ETV6: variants seen among roughly 807,000 people sequenced by gnomAD.
The protein encoded by ETV6 is ETS variant transcription factor 6, also known as transcription factor ETV6.
A neutral mutation model predicts 51.1 loss-of-function variants in ETV6; 16 were observed. The ratio of observed to expected loss-of-function variants is 0.31; its 90% CI spans 0.21 to 0.48. ETV6 has a LOEUF of 0.48. ETV6 is among the 20% of genes least tolerant of loss of function. The pLI is 0.99. For missense variants in ETV6, 458 were observed against 594.8 expected, an observed-to-expected ratio of 0.77 and a Z score of 2.39; for synonymous variants, 240 against 224.1, an observed-to-expected ratio of 1.07 and a Z score of -0.64.
intron 1 of ETV6, among the ~76,000 whole-genome samples, chr12:11,658,383 G>C (rs2120629277): frequency 6.6e-6 from 1 of 152,264 alleles, no homozygotes; most frequent in Admixed American, 6.5e-5. Context: ...TTACAGCTGT[G>C]CACCACTCAC....
chr12:11,858,078 G>A lies in ETV6; in HGVS notation c.463+4517G>A, dbSNP rs538485263. The stretch of plus-strand genomic sequence containing the variant: ...GAACTTCAGATAATGTTGCCCCTCT[G>A]AGAGTGGCAGCAAGAGTAGCGTCAT... On this transcript the variant is annotated intron_variant, in intron 4 of 7. Transcript: ENST00000396373. 1.9e-4 allele frequency among the ~76,000 whole-genome samples: 29 copies of A among 152,318 alleles called. 1 individual carries two copies. The East Asian group carries it at 3.9e-3, about 20-fold the overall frequency.
chr12:11,662,255 A>C (rs866377935), intron 1 of ETV6, among the ~76,000 whole-genome samples: 1 of 152,174 alleles, frequency 6.6e-6, no homozygotes, highest in Non-Finnish European at 1.5e-5. Flanking sequence ...GAGTGGAAAA[A>C]AACAAAAAAC....
At position 11,891,741 on chromosome 12, in the gene ETV6, G is replaced by T; in HGVS notation, c.*695G>T. 1 of 408,698 alleles carries T rather than the reference G, an allele frequency of 2.4e-6. No homozygotes were observed. Among genetic ancestry groups the T allele is most frequent in the Non-Finnish European group, 4.7e-6 (1 of 213,120 alleles). 25.3% of individuals were successfully genotyped at this position (408,698 alleles called of 1,614,324 possible). ...TTCAGATGCCTTCTGACAGAGTTCA[G>T]CCTCTTGGAGAGTCTTGGGGATTGT... On this transcript the variant is annotated 3_prime_UTR_variant, in exon 8 of 8. Transcript: ENST00000396373.
In ETV6 at chr12:11,681,072, ACT is replaced by A. The variant is rs1864520134; in HGVS notation, c.33+30915_33+30916del. 2.0e-5 allele frequency among the ~76,000 whole-genome samples: 3 copies of A among 152,038 alleles called. No homozygotes were observed. The South Asian group carries it at 6.2e-4, about 32-fold the overall frequency. On this transcript the variant is annotated intron_variant, in intron 1 of 7. Transcript: ENST00000396373. ...TTTCTATGGAAGCCTCCTAGGCAAGACTCTGTCCTGCATCCCACTGAGTATAG... is the reference window on the plus strand; with the variant it reads ...TTTCTATGGAAGCCTCCTAGGCAAGACTGTCCTGCATCCCACTGAGTATAG...
At chr12:11,876,203 T>C (rs1946979963) in intron 5 of ETV6, among the ~76,000 whole-genome samples, 1 of 152,196 alleles carries the variant, frequency 6.6e-6, no homozygotes, top group Admixed American at 6.5e-5. Flanking sequence ...TACGATAATA[T>C]CATTAACATA....
chr12:11,741,543 AAGCTG>A (rs1865811057), intron 1 of ETV6, among the ~76,000 whole-genome samples: 1 of 152,074 alleles, frequency 6.6e-6, no homozygotes, highest in African/African-American at 2.4e-5. Context: ...CCGGAAAGTG[AAGCTG>A]AGAAGCCTTC....
rs1591737640 is a variant in ETV6, at chr12:11,871,458, A to G, written c.1009+1489A>G. On this transcript the variant is annotated intron_variant, in intron 5 of 7. Coordinates refer to ENST00000396373, the MANE Select transcript of ETV6 (RefSeq NM_001987.5). ...GCCTGCGTCGGCCTCCTAAAGTGCT[A>G]GGATTACAGGCGTGAGCCACCGCGC... is the stretch of plus-strand genomic sequence containing the variant. Among the ~76,000 whole-genome samples the G allele has an allele frequency of 2.0e-5, 3 of 151,938 alleles. 1 individual carries two copies. The highest frequency in any genetic ancestry group is 2.0e-4 in the Admixed American group (3 of 15,264).
intron 1 of ETV6, among the ~76,000 whole-genome samples, chr12:11,688,276 G>A (rs1864675733): frequency 6.6e-6 from 1 of 152,200 alleles, no homozygotes; most frequent in African/African-American, 2.4e-5. Flanking sequence ...CATGATTAAA[G>A]GGCCTTTAGC....
At chr12:11,694,359 G>A (rs1864831895) in intron 1 of ETV6, among the ~76,000 whole-genome samples, 1 of 152,200 alleles carries the variant, frequency 6.6e-6, no homozygotes, top group Admixed American at 6.5e-5. Context: ...CACATGACAT[G>A]TTTTATAATA....
chr12:11,751,881 G>C, intron 1 of ETV6: 1 of 505,270 alleles, frequency 2.0e-6, no homozygotes, highest in Non-Finnish European at 4.0e-6. Context: ...TGGTTGTGGT[G>C]GTTGTATAGT....
In ETV6 at chr12:11,723,126, C is replaced by T. The variant is rs181179345; in HGVS notation, c.34-29324C>T. On this transcript the variant is annotated intron_variant, in intron 1 of 7. Transcript: ENST00000396373. Reference sequence around the variant, plus strand: ...AGTTTACAGAATCTCTTTGTACCCTCGTTTTCTCATTTGTAAAATGGGAAT... The same window carrying T: ...AGTTTACAGAATCTCTTTGTACCCTTGTTTTCTCATTTGTAAAATGGGAAT... 3.8e-4 allele frequency among the ~76,000 whole-genome samples: 58 copies of T among 152,212 alleles called. No homozygotes were observed. The East Asian group carries it at 8.7e-3, about 23-fold the overall frequency.
At chr12:11,715,873 G>A (rs1254372025) in intron 1 of ETV6, among the ~76,000 whole-genome samples, 1 of 152,174 alleles carries the variant, frequency 6.6e-6, no homozygotes, top group Non-Finnish European at 1.5e-5. Context: ...TCAGGTTTCT[G>A]TAGGTTTCTT....
intron 2 of ETV6, chr12:11,752,920 C>T (rs539603180): frequency 2.6e-5 from 5 of 191,282 alleles, no homozygotes; most frequent in South Asian, 1.8e-4. Context: ...CTCAAATTCA[C>T]GCTTACTCAA....
At position 11,843,474 on chromosome 12, in the gene ETV6, A is replaced by T. The variant is rs529382730; in HGVS notation, c.328+4170A>T. On this transcript the variant is annotated intron_variant, in intron 3 of 7. Coordinates refer to ENST00000396373, the MANE Select transcript of ETV6 (RefSeq NM_001987.5). Reference sequence around the variant, plus strand: ...CTTATTTTCCTCATCCACAAAATGCAGTTCTCACCACATGGATCCTAAGCT... The same window carrying T: ...CTTATTTTCCTCATCCACAAAATGCTGTTCTCACCACATGGATCCTAAGCT... Among the ~76,000 whole-genome samples the T allele has an allele frequency of 7.2e-5, 11 of 152,312 alleles. No homozygotes were observed. In the South Asian group the frequency reaches 2.3e-3, roughly 32 times the overall value.
chr12:11,754,006 G>C (rs1224883568), intron 2 of ETV6, among the ~76,000 whole-genome samples: 1 of 152,320 alleles, frequency 6.6e-6, no homozygotes, highest in Admixed American at 6.5e-5. Flanking sequence ...TAGGAAACTG[G>C]AATGTTGTGG....
rs539427794 is a variant in ETV6 at position 11,869,129 on chromosome 12, G to A, written c.464-295G>A. Among the ~76,000 whole-genome samples the A allele has an allele frequency of 5.9e-5, 9 of 152,032 alleles. No homozygotes were observed. The highest frequency in any genetic ancestry group is 5.8e-4 in the East Asian group (3 of 5,156). The stretch of plus-strand genomic sequence containing the variant: ...TGGGCGCCTGTAGTCCCAGCTACTC[G>A]GGAGGCTGAGGCCGGAGAATGGCAT... On this transcript the variant is annotated intron_variant, in intron 4 of 7. Transcript: ENST00000396373. The surrounding 1 kb of genome is among the most constrained non-coding windows in gnomAD (Gnocchi z 5.0).
intron 2 of ETV6, among the ~76,000 whole-genome samples, chr12:11,771,048 A>G (rs1276385890): frequency 6.6e-6 from 1 of 152,246 alleles, no homozygotes; most frequent in Non-Finnish European, 1.5e-5. Context: ...TTGTGACAGC[A>G]TTGCCATTGA....
intron 7 of ETV6, among the ~76,000 whole-genome samples, chr12:11,886,945 G>C (rs1404423064): frequency 6.6e-6 from 1 of 152,192 alleles, no homozygotes; most frequent in Non-Finnish European, 1.5e-5. Flanking sequence ...TAGAGATGTA[G>C]ATTGTGAATT....
At chr12:11,800,562 G>A (rs1397632749) in intron 2 of ETV6, among the ~76,000 whole-genome samples, 1 of 150,810 alleles carries the variant, frequency 6.6e-6, no homozygotes, top group Non-Finnish European at 1.5e-5. Flanking sequence ...CTCCCCACCC[G>A]CATCCCTTCT....
Sources: allele counts gnomAD v4.1 joint callset (sites outside exome capture counted in the v4.1 genomes callset), GRCh38; gene constraint gnomAD v4.1.1; non-coding constraint Gnocchi (gnomAD v3.1); transcripts MANE v1.5; gene names NCBI Gene and HGNC (gene_info 2026-07-23, HGNC 2026-07-21).